Variants in SYN3 observed in about 807,000 individuals in gnomAD.
SYN3 encodes synapsin-3.
Under a neutral mutation model 65.8 loss-of-function variants are expected in SYN3, and 35 were observed. The ratio of observed to expected loss-of-function variants is 0.53; its 90% CI spans 0.41 to 0.70. SYN3 has a LOEUF of 0.70. Ranked by LOEUF, SYN3 falls within the 30% of genes least tolerant of loss-of-function variation. The pLI is 0.00. For synonymous variants in SYN3, 270 were observed against 292.9 expected, an observed-to-expected ratio of 0.92 and a Z score of 0.80; for missense variants, 680 against 749.0, an observed-to-expected ratio of 0.91 and a Z score of 1.08.
chr22:32,699,517 G>A (rs867275751), intron 6 of SYN3, among the ~76,000 whole-genome samples: 1 of 152,168 alleles, frequency 6.6e-6, no homozygotes, highest in African/African-American at 2.4e-5. Flanking sequence ...ATGAGATTTA[G>A]GGTGGTGTGT....
intron 1 of SYN3, among the ~76,000 whole-genome samples, chr22:33,029,364 G>A (rs1329723934): frequency 2.0e-5 from 3 of 151,850 alleles, no homozygotes; most frequent in Admixed American, 6.6e-5. Context: ...TTTTATTTTT[G>A]TAGAGACAAG....
chr22:32,530,847 A>G (rs949683509), intron 10 of SYN3, among the ~76,000 whole-genome samples: 7 of 151,994 alleles, frequency 4.6e-5, no homozygotes, highest in African/African-American at 1.7e-4. Flanking sequence ...TACTAAAAAT[A>G]CAAAAAAAAT....
chr22:32,992,432 C>T (rs560734641), intron 2 of SYN3, among the ~76,000 whole-genome samples: 5 of 152,324 alleles, frequency 3.3e-5, no homozygotes, highest in Admixed American at 1.3e-4. Context: ...TGTTCTCCCC[C>T]ACTGGTTCCA....
chr22:32,752,906 G>A (rs1462265312), intron 6 of SYN3, among the ~76,000 whole-genome samples: 1 of 152,106 alleles, frequency 6.6e-6, no homozygotes, highest in Non-Finnish European at 1.5e-5. Context: ...TGGAGCGGGG[G>A]TGAGTGGAAG....
At chr22:32,549,444 G>A (rs1269403091) in intron 7 of SYN3, among the ~76,000 whole-genome samples, 1 of 152,066 alleles carries the variant, frequency 6.6e-6, no homozygotes, top group Non-Finnish European at 1.5e-5. Flanking sequence ...ATAGTGACAG[G>A]ATCTCACCAT....
At chr22:32,690,159 G>A (rs1281906503) in intron 6 of SYN3, among the ~76,000 whole-genome samples, 6 of 152,264 alleles carry the variant, frequency 3.9e-5, no homozygotes, top group East Asian at 1.9e-4. Context: ...CTGGCCAACA[G>A]AGCGAGACTG....
rs531624938 is a variant in SYN3, at chr22:32,976,996, G to C, written c.369+3649C>G. Among the ~76,000 whole-genome samples the C allele has an allele frequency of 8.9e-5, 7 of 79,068 alleles. No homozygotes were observed. In the South Asian group the frequency reaches 2.0e-3, roughly 23 times the overall value. 51.9% of individuals were successfully genotyped at this position (79,068 alleles called of 152,430 possible). A position where few individuals can be genotyped will look rare whatever the true frequency, so the allele number is the denominator to read the frequency against. On this transcript the variant is annotated intron_variant, in intron 3 of 13. Coordinates refer to ENST00000358763, the MANE Select transcript of SYN3 (RefSeq NM_003490.4). ...CTAAAGGATGCATGTGAGATTCCTG[G>C]GGGGGGGGTTGCTTGTGTGTTCCAC... is the stretch of plus-strand genomic sequence containing the variant.
In SYN3 at chr22:32,849,576, T is replaced by C. The variant is rs763327759; in HGVS notation, c.711+15339A>G. 6.3e-6 allele frequency: 10 copies of C among 1,582,248 alleles called. No individual in the cohort carries two copies. The East Asian group carries it at 1.6e-4, about 25-fold the overall frequency. Reference sequence around the variant, plus strand: ...CCCTGGCTCCGGGAAGGTTTTTGGGTTTTTGCCAGAAGAGTCCTGGCTAAG... The same window carrying C: ...CCCTGGCTCCGGGAAGGTTTTTGGGCTTTTGCCAGAAGAGTCCTGGCTAAG... On this transcript the variant is annotated intron_variant, in intron 6 of 13. Coordinates refer to ENST00000358763, the MANE Select transcript of SYN3 (RefSeq NM_003490.4).
At chr22:32,600,710 CAG>C (rs1229753639) in intron 6 of SYN3, among the ~76,000 whole-genome samples, 3 of 151,256 alleles carry the variant, frequency 2.0e-5, no homozygotes, top group African/African-American at 4.9e-5. Flanking sequence ...TTTTTTGAGA[CAG>C]AGTCTTGCTC....
At chr22:32,575,748 T>C (rs976624149) in intron 7 of SYN3, among the ~76,000 whole-genome samples, 1 of 152,174 alleles carries the variant, frequency 6.6e-6, no homozygotes, top group African/African-American at 2.4e-5. Flanking sequence ...GCTGCTAAAA[T>C]GACTCTGGGC....
intron 7 of SYN3, among the ~76,000 whole-genome samples, chr22:32,557,676 A>C (rs562419343): frequency 7.0e-4 from 107 of 152,332 alleles, no homozygotes; most frequent in Middle Eastern, 3.4e-3. Context: ...CAAGGCTGTG[A>C]TCCTAAGAAG....
chr22:32,874,531 T>C (rs2146377784), intron 4 of SYN3, among the ~76,000 whole-genome samples: 1 of 152,278 alleles, frequency 6.6e-6, no homozygotes, highest in Non-Finnish European at 1.5e-5. Flanking sequence ...ATTGGAGAAG[T>C]GTAATAATTC....
At chr22:32,656,479 T>G (rs1233133167) in intron 6 of SYN3, among the ~76,000 whole-genome samples, 1 of 152,210 alleles carries the variant, frequency 6.6e-6, no homozygotes. Flanking sequence ...AGCTCTCCTT[T>G]GCATCTCCTT....
At chr22:32,976,883 TTTGGC>T (rs1217129890) in intron 3 of SYN3, among the ~76,000 whole-genome samples, 1 of 152,156 alleles carries the variant, frequency 6.6e-6, no homozygotes, top group Non-Finnish European at 1.5e-5. Context: ...ATCTGGTTAA[TTTGGC>T]CCTTGGTTGG....
chr22:32,963,087 T>G (rs1365696337), intron 3 of SYN3, among the ~76,000 whole-genome samples: 3 of 151,012 alleles, frequency 2.0e-5, no homozygotes, highest in Non-Finnish European at 4.4e-5. Flanking sequence ...ATACTTTTTT[T>G]TTTTTTTGAG....
intron 1 of SYN3, among the ~76,000 whole-genome samples, chr22:33,014,736 C>T (rs1199841682): frequency 6.6e-6 from 1 of 152,054 alleles, no homozygotes; most frequent in Non-Finnish European, 1.5e-5. Flanking sequence ...GCCGAAATCG[C>T]GCCATTGCAC....
intron 3 of SYN3, among the ~76,000 whole-genome samples, chr22:32,941,645 C>A (rs1034926096): frequency 1.1e-4 from 17 of 152,110 alleles, no homozygotes; most frequent in African/African-American, 3.4e-4. Context: ...CAAAGCAGGG[C>A]GAGGCATCGC....
intron 6 of SYN3, among the ~76,000 whole-genome samples, chr22:32,674,015 A>C (rs1220149376): frequency 1.3e-5 from 2 of 151,822 alleles, no homozygotes; most frequent in Non-Finnish European, 2.9e-5. Context: ...AAAGGCGGGG[A>C]GGCTGTTGCT....
chr22:32,813,007 G>A (rs557350652), intron 6 of SYN3, among the ~76,000 whole-genome samples: 38 of 152,186 alleles, frequency 2.5e-4, no homozygotes, highest in Non-Finnish European at 3.4e-4. Context: ...GGGAAGGTGG[G>A]TGTGGGTTCC....
Sources: gnomAD v4.1 joint callset for allele counts (sites outside exome capture counted in the v4.1 genomes callset) on GRCh38, gnomAD v4.1.1 for gene constraint, MANE v1.5 for transcripts, NCBI Gene and HGNC (gene_info 2026-07-23, HGNC 2026-07-21) for gene names.